ATXN8OS: variants seen among roughly 807,000 people sequenced by gnomAD.
ATXN8OS encodes the protein ATXN8 opposite strand lncRNA.
intron 4 of ATXN8OS, among the ~76,000 whole-genome samples, chr13:70,154,336 C>T (rs951512500): frequency 2.0e-5 from 3 of 152,104 alleles, no homozygotes; most frequent in African/African-American, 7.2e-5. Flanking sequence ...CTACCCAATT[C>T]CAACTCCATC....
chr13:70,112,364 T>C (rs1888208618), intron 1 of ATXN8OS, among the ~76,000 whole-genome samples: 2 of 152,290 alleles, frequency 1.3e-5, no homozygotes, highest in South Asian at 2.1e-4. Context: ...AATAATTATA[T>C]AGAACTTTTA....
chr13:70,135,379 GTTC>G (rs1437504134), intron 3 of ATXN8OS, among the ~76,000 whole-genome samples: 1 of 151,914 alleles, frequency 6.6e-6, no homozygotes, highest in African/African-American at 2.4e-5. Flanking sequence ...CATGGTTACT[GTTC>G]TCATTAATTA....
chr13:70,131,986 G>T (rs1288626000), intron 3 of ATXN8OS, among the ~76,000 whole-genome samples: 1 of 152,108 alleles, frequency 6.6e-6, no homozygotes, highest in Non-Finnish European at 1.5e-5. Flanking sequence ...ACCTATATGT[G>T]TTCCAAATAG....
chr13:70,168,936 T>C (rs1389001165), intron 4 of ATXN8OS, among the ~76,000 whole-genome samples: 1 of 152,158 alleles, frequency 6.6e-6, no homozygotes, highest in African/African-American at 2.4e-5. Context: ...TTCAATTACA[T>C]TGACTATCAC....
rs75838397 is a variant in ATXN8OS at position 70,131,218 on chromosome 13, T to C, written n.499+1334T>C. ...ATATCTGTCACAATGTGTACATGTA[T>C]ACATCCTAAATATTTGTACAATTAA... On this transcript the variant is annotated intron_variant and non_coding_transcript_variant, in intron 3 of 4. Transcript: ENST00000678624. 9.4e-5 allele frequency: 36 copies of C among 384,000 alleles called. No individual in the cohort carries two copies. In the East Asian group the frequency reaches 1.0e-3, roughly 11 times the overall value. 23.8% of individuals were successfully genotyped at this position (384,000 alleles called of 1,614,324 possible).
At chr13:70,116,158 T>TAAAAA (rs5804476) in intron 2 of ATXN8OS, among the ~76,000 whole-genome samples, 1 of 147,344 alleles carries the variant, frequency 6.8e-6, no homozygotes, top group Non-Finnish European at 1.5e-5. Context: ...GTGTATCAGT[T>TAAAAA]AAAAAAAAAA....
intron 2 of ATXN8OS, among the ~76,000 whole-genome samples, chr13:70,126,723 CATCT>C (rs1888442781): frequency 6.6e-6 from 1 of 151,408 alleles, no homozygotes. Flanking sequence ...ACAGTTTACA[CATCT>C]ATAAATAGAC....
At chr13:70,120,677 T>C (rs1039533017) in intron 2 of ATXN8OS, among the ~76,000 whole-genome samples, 5 of 152,106 alleles carry the variant, frequency 3.3e-5, no homozygotes, top group African/African-American at 1.2e-4. Context: ...AAAATGACAA[T>C]GCACTGACAG....
intron 4 of ATXN8OS, among the ~76,000 whole-genome samples, chr13:70,159,492 C>G (rs1007531386): frequency 6.6e-6 from 1 of 151,804 alleles, no homozygotes; most frequent in African/African-American, 2.4e-5. Flanking sequence ...TTTTCTTTAT[C>G]GAATTGAATT....
At chr13:70,129,161 A>C (rs1036120508) in intron 2 of ATXN8OS, among the ~76,000 whole-genome samples, 18 of 152,248 alleles carry the variant, frequency 1.2e-4, no homozygotes, top group African/African-American at 4.3e-4. Flanking sequence ...TGCCGGGCCC[A>C]CAAAAATCAA....
At chr13:70,154,529 G>T (rs1350369579) in intron 4 of ATXN8OS, among the ~76,000 whole-genome samples, 2 of 152,056 alleles carry the variant, frequency 1.3e-5, no homozygotes, top group Non-Finnish European at 2.9e-5. Context: ...TTTTGGTGTT[G>T]GTACTGAGGC....
At chr13:70,116,326 G>C (rs1207947956) in intron 2 of ATXN8OS, among the ~76,000 whole-genome samples, 16 of 152,078 alleles carry the variant, frequency 1.1e-4, no homozygotes, top group Admixed American at 1.0e-3. Flanking sequence ...TGAAGGAAAG[G>C]GGGGCTGAGC....
At chr13:70,133,224 G>A (rs299529) in intron 3 of ATXN8OS, among the ~76,000 whole-genome samples, 132,923 of 152,164 alleles carry the variant, frequency 0.87, 58,255 homozygotes, top group East Asian at 1. Flanking sequence ...TTGGTAACAT[G>A]GTGAGACCTT....
At chr13:70,134,393 A>G (rs752417864) in intron 3 of ATXN8OS, among the ~76,000 whole-genome samples, 5 of 152,194 alleles carry the variant, frequency 3.3e-5, no homozygotes, top group Non-Finnish European at 5.9e-5. Flanking sequence ...TAGGAGACAT[A>G]ATCTTCATAG....
chr13:70,155,308 A>T (rs559681997), intron 4 of ATXN8OS, among the ~76,000 whole-genome samples: 1 of 152,202 alleles, frequency 6.6e-6, no homozygotes, highest in South Asian at 2.1e-4. Flanking sequence ...CTCCTCTTTT[A>T]AACCTGTAGC....
At chr13:70,136,152 C>T (rs1888610534) in intron 3 of ATXN8OS, among the ~76,000 whole-genome samples, 1 of 152,098 alleles carries the variant, frequency 6.6e-6, no homozygotes, top group African/African-American at 2.4e-5. Flanking sequence ...CAGTTGTTTG[C>T]CTGTGATTGG....
At chr13:70,152,349 G>C (rs1322140283) in intron 4 of ATXN8OS, among the ~76,000 whole-genome samples, 2 of 6,692 alleles carry the variant, frequency 3.0e-4, no homozygotes, top group Admixed American at 4.1e-3. Flanking sequence ...CTCTGTACCT[G>C]TGTGTGTGTG....
intron 2 of ATXN8OS, among the ~76,000 whole-genome samples, chr13:70,119,413 A>T (rs1191077340): frequency 6.6e-6 from 1 of 151,962 alleles, no homozygotes; most frequent in Non-Finnish European, 1.5e-5. Context: ...CTCTTATAAG[A>T]TTGTCTTTCT....
chr13:70,116,404 A>G (rs2137471773), intron 2 of ATXN8OS, among the ~76,000 whole-genome samples: 1 of 152,240 alleles, frequency 6.6e-6, no homozygotes, highest in Non-Finnish European at 1.5e-5. Flanking sequence ...AAAATAAGTG[A>G]AAGCATGGAC....
Sources: allele counts gnomAD v4.1 joint callset (sites outside exome capture counted in the v4.1 genomes callset), GRCh38; gene constraint gnomAD v4.1.1; transcripts MANE v1.5; gene names NCBI Gene and HGNC (gene_info 2026-07-23, HGNC 2026-07-21).